Variants in PXDNL observed in about 807,000 individuals in gnomAD.
The protein encoded by PXDNL is peroxidasin like.
Under a neutral mutation model 150.8 loss-of-function variants are expected in PXDNL, and 145 were observed. The observed-to-expected ratio is 0.96, with a 90% confidence interval of 0.84 to 1.10. The LOEUF is 1.10. Among genes scored for constraint, PXDNL ranks in the 50% least tolerant of loss-of-function variants. The pLI is 0.00. For synonymous variants in PXDNL, 757 were observed against 725.7 expected, an observed-to-expected ratio of 1.04 and a Z score of -0.69; for missense variants, 2,087 against 1,873.9, an observed-to-expected ratio of 1.11 and a Z score of -2.10.
intron 1 of PXDNL, among the ~76,000 whole-genome samples, chr8:51,666,908 A>G (rs1815398294): frequency 6.6e-6 from 1 of 152,150 alleles, no homozygotes; most frequent in Non-Finnish European, 1.5e-5. Flanking sequence ...ATGGCTGTCC[A>G]TCACCAGCAG....
At chr8:51,347,627 C>T (rs1016765842) in intron 19 of PXDNL, among the ~76,000 whole-genome samples, 8 of 152,270 alleles carry the variant, frequency 5.3e-5, no homozygotes, top group African/African-American at 1.9e-4. Flanking sequence ...AGTTAATTAT[C>T]ATATTGTTGT....
intron 2 of PXDNL, among the ~76,000 whole-genome samples, chr8:51,638,490 A>G (rs529160181): frequency 1.3e-5 from 2 of 152,150 alleles, no homozygotes; most frequent in Non-Finnish European, 2.9e-5. Flanking sequence ...GGCTCAAAAT[A>G]AAGGAATGGA....
At chr8:51,453,904 TAC>T in intron 9 of PXDNL, 119 bp from the exon 10 acceptor site, 1 of 853,806 alleles carries the variant, frequency 1.2e-6, no homozygotes, top group East Asian at 2.7e-5. Flanking sequence ...ACTAAAATAT[TAC>T]ACATATATAT....
chr8:51,395,823 T>C (rs894157781), intron 17 of PXDNL, among the ~76,000 whole-genome samples: 1 of 152,188 alleles, frequency 6.6e-6, no homozygotes, highest in Non-Finnish European at 1.5e-5. Flanking sequence ...AAAAATCTAT[T>C]ACTGCCTAAT....
chr8:51,587,577 T>C (rs1400746908), intron 3 of PXDNL, among the ~76,000 whole-genome samples: 2 of 152,184 alleles, frequency 1.3e-5, no homozygotes, highest in East Asian at 1.9e-4. Flanking sequence ...TGTGGTATAG[T>C]CAAATGAAAA....
intron 2 of PXDNL, among the ~76,000 whole-genome samples, chr8:51,605,514 AAAG>A (rs541917182): frequency 1.1e-3 from 166 of 152,162 alleles, no homozygotes; most frequent in African/African-American, 3.8e-3. Flanking sequence ...TCATTATTAA[AAAG>A]AAAATCACAA....
chr8:51,333,657 C>T (rs1316773680), intron 21 of PXDNL, among the ~76,000 whole-genome samples: 1 of 151,970 alleles, frequency 6.6e-6, no homozygotes, highest in South Asian at 2.1e-4. Flanking sequence ...TGGAAAAAAG[C>T]ATTTATGAAA....
At chr8:51,677,724 A>C (rs979894153) in intron 1 of PXDNL, among the ~76,000 whole-genome samples, 3 of 152,254 alleles carry the variant, frequency 2.0e-5, no homozygotes, top group African/African-American at 7.2e-5. Context: ...TTCTAAATAG[A>C]CATATACTAC....
At chr8:51,333,066 G>T (rs1374863736) in intron 21 of PXDNL, among the ~76,000 whole-genome samples, 1 of 152,166 alleles carries the variant, frequency 6.6e-6, no homozygotes. Context: ...ATGAAGGAAA[G>T]AATCTTAAGA....
intron 1 of PXDNL, among the ~76,000 whole-genome samples, chr8:51,711,797 T>G (rs1816506691): frequency 6.6e-6 from 1 of 152,240 alleles, no homozygotes; most frequent in Non-Finnish European, 1.5e-5. Flanking sequence ...AAAAAATACT[T>G]GTAGCTGTCT....
At chr8:51,747,067 G>GA (rs1276842900) in intron 1 of PXDNL, among the ~76,000 whole-genome samples, 15 of 152,124 alleles carry the variant, frequency 9.9e-5, no homozygotes, top group Admixed American at 9.8e-4. Context: ...AAATTTTTAA[G>GA]AAAAACAAAA....
intron 10 of PXDNL, among the ~76,000 whole-genome samples, chr8:51,449,533 A>G (rs1217002245): frequency 6.6e-6 from 1 of 152,260 alleles, no homozygotes; most frequent in Admixed American, 6.5e-5. Context: ...TTTCGATTTC[A>G]GAAAGAAAAA....
intron 1 of PXDNL, among the ~76,000 whole-genome samples, chr8:51,788,568 T>C (rs1243579303): frequency 6.6e-6 from 1 of 152,204 alleles, no homozygotes; most frequent in East Asian, 1.9e-4. Flanking sequence ...AATCTTAGAC[T>C]TCAGACATCT....
intron 3 of PXDNL, among the ~76,000 whole-genome samples, chr8:51,566,811 T>A (rs915053970): frequency 2.0e-5 from 3 of 151,530 alleles, no homozygotes; most frequent in South Asian, 2.1e-4. Flanking sequence ...TTTGTAATTA[T>A]CCATTTCTTC....
chr8:51,440,446 GAAA>G (rs1272220661), intron 12 of PXDNL, among the ~76,000 whole-genome samples: 1 of 17,572 alleles, frequency 5.7e-5, no homozygotes, highest in African/African-American at 1.0e-4. Flanking sequence ...AAAATCCATT[GAAA>G]AATAATAATA....
chr8:51,355,338 T>C (rs1586028144), intron 19 of PXDNL, among the ~76,000 whole-genome samples: 1 of 152,196 alleles, frequency 6.6e-6, no homozygotes, highest in African/African-American at 2.4e-5. Context: ...TATTTACATT[T>C]GTACATAAAA....
Position 51,607,991 on chromosome 8 carries a change from G to GAGGAAGGAAGGA in PXDNL, c.237-15305_237-15294dup, listed in dbSNP as rs1241189802. On this transcript the variant is annotated intron_variant, in intron 2 of 22. Transcript: ENST00000356297. The stretch of plus-strand genomic sequence containing the variant: ...AAAGAAAGGAAGGAAGGAAGAGAGA[G>GAGGAAGGAAGGA]AGGAAGGAAGGAAGAAAGAAAGAAA... 1.3e-4 allele frequency among the ~76,000 whole-genome samples: 13 copies of GAGGAAGGAAGGA among 103,714 alleles called. 1 individual carries two copies. The highest frequency in any genetic ancestry group is 3.2e-4 in the African/African-American group (7 of 21,746). The allele number at this position is 103,714 out of a possible 152,430, so 68.0% of individuals were successfully genotyped here.
intron 17 of PXDNL, among the ~76,000 whole-genome samples, chr8:51,404,436 A>G (rs189910105): frequency 8.5e-4 from 127 of 149,978 alleles, no homozygotes; most frequent in Non-Finnish European, 2.2e-4. Context: ...CTAGACATAA[A>G]AGTTCTCCAA....
chr8:51,794,973 A>G (rs1335206567), intron 1 of PXDNL, among the ~76,000 whole-genome samples: 2 of 152,120 alleles, frequency 1.3e-5, no homozygotes, highest in Non-Finnish European at 2.9e-5. Flanking sequence ...TACTAAGAAA[A>G]TGGAAAGTAG....
Sources: gnomAD v4.1 joint callset for allele counts (sites outside exome capture counted in the v4.1 genomes callset) on GRCh38, gnomAD v4.1.1 for gene constraint, MANE v1.5 for transcripts, NCBI Gene and HGNC (gene_info 2026-07-23, HGNC 2026-07-21) for gene names.